Variants in MSRA observed in about 807,000 individuals in gnomAD.
MSRA encodes mitochondrial peptide methionine sulfoxide reductase.
MSRA carries 54 observed loss-of-function variants against 31.3 expected under a neutral mutation model. That is an observed-to-expected ratio of 1.73 (90% CI 1.39 to 2.17). MSRA has a LOEUF of 2.17. Among genes scored for constraint, MSRA ranks in the 30% most tolerant of loss-of-function variants. The probability of loss-of-function intolerance (pLI) is 0.00; values close to 1 mark genes in which losing one functional copy is unlikely to be tolerated. For synonymous variants in MSRA, 169 were observed against 116.5 expected (o/e 1.45, Z -2.90); for missense variants, 507 against 300.9 (o/e 1.69, Z -5.07).
chr8:10,229,933 A>C (rs1811325747), intron 2 of MSRA, among the ~76,000 whole-genome samples: 2 of 152,194 alleles, frequency 1.3e-5, no homozygotes. Flanking sequence ...TCCACTTTCG[A>C]AGCCTCAATG....
At chr8:10,426,871 A>G (rs1809199592) in intron 5 of MSRA, among the ~76,000 whole-genome samples, 1 of 152,200 alleles carries the variant, frequency 6.6e-6, no homozygotes, top group African/African-American at 2.4e-5. Context: ...ATGGCTCCTC[A>G]TTCTCATTCC....
At chr8:10,075,742 C>T (rs1797965277) in intron 1 of MSRA, among the ~76,000 whole-genome samples, 1 of 152,224 alleles carries the variant, frequency 6.6e-6, no homozygotes, top group South Asian at 2.1e-4. Flanking sequence ...TCAGTCCCGG[C>T]ATAACTGCTA....
At chr8:10,104,013 C>T (rs1368800865) in intron 1 of MSRA, among the ~76,000 whole-genome samples, 1 of 152,138 alleles carries the variant, frequency 6.6e-6, no homozygotes. Flanking sequence ...TAAACTGTTG[C>T]TATCCTTTTG....
At chr8:10,159,714 C>T (rs1804476540) in intron 1 of MSRA, among the ~76,000 whole-genome samples, 2 of 152,136 alleles carry the variant, frequency 1.3e-5, no homozygotes, top group African/African-American at 4.8e-5. Context: ...ATTTGATTGG[C>T]ATTATCTCTT....
intron 1 of MSRA, among the ~76,000 whole-genome samples, chr8:10,179,104 G>A (rs1806319148): frequency 1.3e-5 from 2 of 152,158 alleles, no homozygotes; most frequent in African/African-American, 4.8e-5. Context: ...TGACTATGGT[G>A]AGTCAGTCAG....
At chr8:10,243,664 C>T (rs1797457177) in intron 2 of MSRA, among the ~76,000 whole-genome samples, 2 of 151,876 alleles carry the variant, frequency 1.3e-5, no homozygotes, top group Middle Eastern at 3.4e-3. Flanking sequence ...AAAAAATATT[C>T]CTAAATTGTC....
chr8:10,241,203 C>CT (rs1405791112), intron 2 of MSRA, among the ~76,000 whole-genome samples: 1 of 152,044 alleles, frequency 6.6e-6, no homozygotes, highest in African/African-American at 2.4e-5. Flanking sequence ...TCTTGAAGTG[C>CT]TTTTTCCCAT....
intron 4 of MSRA, among the ~76,000 whole-genome samples, chr8:10,310,350 G>A (rs1244789047): frequency 6.6e-6 from 1 of 152,148 alleles, no homozygotes; most frequent in African/African-American, 2.4e-5. Flanking sequence ...GAATTTAACT[G>A]ATATTTTTAT....
intron 1 of MSRA, among the ~76,000 whole-genome samples, chr8:10,109,489 G>T (rs1022403771): frequency 6.6e-6 from 1 of 151,750 alleles, no homozygotes; most frequent in Non-Finnish European, 1.5e-5. Context: ...CAACAGGCAC[G>T]CACCTACCAC....
At chr8:10,096,043 CGTAA>C in intron 1 of MSRA, 1 of 1,437,696 alleles carries the variant, frequency 7.0e-7, no homozygotes, top group East Asian at 2.6e-5. Flanking sequence ...GTGTTCAGAA[CGTAA>C]GTTTTTAGAT....
intron 4 of MSRA, among the ~76,000 whole-genome samples, chr8:10,311,084 A>G (rs1801408403): frequency 6.6e-6 from 1 of 152,248 alleles, no homozygotes; most frequent in Non-Finnish European, 1.5e-5. Context: ...TAGACTTCAC[A>G]TAAAAGAGTA....
chr8:10,422,595 C>A (rs1393893360), intron 5 of MSRA, among the ~76,000 whole-genome samples: 1 of 152,024 alleles, frequency 6.6e-6, no homozygotes, highest in Non-Finnish European at 1.5e-5. Flanking sequence ...GACACACACA[C>A]AAAAAAATGC....
intron 1 of MSRA, among the ~76,000 whole-genome samples, chr8:10,107,810 A>C (rs1563103265): frequency 6.6e-6 from 1 of 152,166 alleles, no homozygotes; most frequent in East Asian, 1.9e-4. Context: ...AGAGCACTGA[A>C]AAAGGCCAGA....
chr8:10,196,627 G>C (rs1046418605), intron 1 of MSRA, among the ~76,000 whole-genome samples: 1 of 152,046 alleles, frequency 6.6e-6, no homozygotes. Context: ...TCGACTCATC[G>C]CAACCTCTGC....
chr8:10,214,800 G>T (rs1480995057), intron 2 of MSRA, among the ~76,000 whole-genome samples: 1 of 152,186 alleles, frequency 6.6e-6, no homozygotes, highest in Admixed American at 6.5e-5. Flanking sequence ...GGGGGCAATG[G>T]TCATTGGAGA....
At chr8:10,415,937 G>A (rs1052291534) in intron 5 of MSRA, among the ~76,000 whole-genome samples, 5 of 151,814 alleles carry the variant, frequency 3.3e-5, no homozygotes, top group Admixed American at 6.6e-5. Context: ...CTCCATTTCC[G>A]CACATCCCCT....
intron 1 of MSRA, among the ~76,000 whole-genome samples, chr8:10,063,848 C>T (rs1255087225): frequency 1.3e-5 from 2 of 152,226 alleles, no homozygotes; most frequent in East Asian, 1.9e-4. Flanking sequence ...ATTGTTATAG[C>T]AGTCTGGCGG....
rs372545963 is a variant in MSRA, at chr8:10,336,032, C to T, written c.543+16043C>T. ...ATTCCCTCTGGACATGTCACACCCT[C>T]ACAGATTTATAAATAGGGAATGGGC... On this transcript the variant is annotated intron_variant, in intron 5 of 5. Coordinates refer to ENST00000317173, the MANE Select transcript of MSRA (RefSeq NM_012331.5). Among the ~76,000 whole-genome samples the T allele has an allele frequency of 1.2e-4, 19 of 152,244 alleles. 2 individuals are homozygous for T. The highest frequency in any genetic ancestry group is 4.6e-4 in the African/African-American group (19 of 41,546).
chr8:10,299,608 A>G (rs1488129637), intron 3 of MSRA, among the ~76,000 whole-genome samples: 1 of 152,166 alleles, frequency 6.6e-6, no homozygotes, highest in Non-Finnish European at 1.5e-5. Flanking sequence ...TGCCAATTAG[A>G]GCAAAGAAGA....
Sources: gnomAD v4.1 joint callset for allele counts (sites outside exome capture counted in the v4.1 genomes callset) on GRCh38, gnomAD v4.1.1 for gene constraint, MANE v1.5 for transcripts, NCBI Gene and HGNC (gene_info 2026-07-23, HGNC 2026-07-21) for gene names.